The following CFAP36 variants were observed in gnomAD, a reference collection of about 807,000 sequenced individuals.
CFAP36 encodes the protein cilia- and flagella-associated protein 36.
A neutral mutation model predicts 50.5 loss-of-function variants in CFAP36; 37 were observed. The ratio of observed to expected loss-of-function variants is 0.73; its 90% CI spans 0.56 to 0.96. CFAP36 has a LOEUF of 0.96. Among genes scored for constraint, CFAP36 ranks in the 50% least tolerant of loss-of-function variants. CFAP36 has a pLI of 0.00. For missense variants in CFAP36, 407 were observed against 396.2 expected, an observed-to-expected ratio of 1.03 and a Z score of -0.23; for synonymous variants, 138 against 128.2, an observed-to-expected ratio of 1.08 and a Z score of -0.52.
chr2:55,520,036 C>T (rs967233363), intron 1 of CFAP36, 120 bp downstream of exon 1: 1 of 867,824 alleles, frequency 1.2e-6, no homozygotes, highest in African/African-American at 1.7e-5. Context: ...ACCCCTGTCG[C>T]AAGGTCTCGT....
rs777731203 is a variant in CFAP36 at position 55,523,787 on chromosome 2, T to C, written c.247T>C (p.Cys83Arg). The C allele has an allele frequency of 6.2e-7, 1 of 1,610,272 alleles. No individual in the cohort carries two copies. Among genetic ancestry groups the C allele is most frequent in the Non-Finnish European group, 8.5e-7 (1 of 1,177,556 alleles). Reference protein sequence around the residue: ...GINEDQFQEACTSPLAKTHTS... With the variant: ...GINEDQFQEARTSPLAKTHTS... ...TAATGAAGATCAATTTCAAGAAGCA[T>C]GCACTTCTCCTCTTGCAAAGACCCA... Residue 83 changes from cysteine (C) to arginine (R), a missense_variant, in exon 3 of 10, where the codon TGC becomes CGC. By Grantham distance (180) the Cys-to-Arg change is radical. Coordinates refer to ENST00000349456, the MANE Select transcript of CFAP36 (RefSeq NM_080667.7).
Position 55,530,079 on chromosome 2 carries a change from T to G in CFAP36, c.397+1087T>G, listed in dbSNP as rs982396751. Among the ~76,000 whole-genome samples, 3 of 152,164 alleles carry G rather than the reference T, an allele frequency of 2.0e-5. No homozygotes were observed. The East Asian group carries it at 5.8e-4, about 29-fold the overall frequency. On this transcript the variant is annotated intron_variant, in intron 4 of 9. Coordinates refer to ENST00000349456, the MANE Select transcript of CFAP36 (RefSeq NM_080667.7). ...GCTGTGTCCCCACCCAAATCTCATCTTGAATTCCCACGTGTTGTGGGAGGG... is the reference window on the plus strand; with the variant it reads ...GCTGTGTCCCCACCCAAATCTCATCGTGAATTCCCACGTGTTGTGGGAGGG...
chr2:55,524,038 T>C (rs1333206437), intron 3 of CFAP36, among the ~76,000 whole-genome samples: 1 of 152,248 alleles, frequency 6.6e-6, no homozygotes, highest in Non-Finnish European at 1.5e-5. Flanking sequence ...AAGTGACCTT[T>C]CTAAACTCAG....
intron 7 of CFAP36, among the ~76,000 whole-genome samples, chr2:55,542,053 T>G (rs1202268121): frequency 1.3e-5 from 2 of 152,328 alleles, no homozygotes; most frequent in Middle Eastern, 3.4e-3. Context: ...AGAAATAGCC[T>G]CATTTTAATG....
intron 7 of CFAP36, among the ~76,000 whole-genome samples, chr2:55,543,411 C>T (rs1378021949): frequency 6.6e-6 from 1 of 152,100 alleles, no homozygotes; most frequent in Non-Finnish European, 1.5e-5. Context: ...TCATAATGCA[C>T]TGGCAGGTTT....
At chr2:55,521,268 A>G (rs1242713498) in intron 1 of CFAP36, among the ~76,000 whole-genome samples, 1 of 139,494 alleles carries the variant, frequency 7.2e-6, no homozygotes, top group Non-Finnish European at 1.5e-5. Context: ...CAGTGGCGTG[A>G]TCTTGGCTCA....
At chr2:55,544,705 C>T (rs1373086484) in intron 9 of CFAP36, among the ~76,000 whole-genome samples, 2 of 152,132 alleles carry the variant, frequency 1.3e-5, no homozygotes, top group Admixed American at 6.6e-5. Context: ...TATCATAGAG[C>T]ACATCAGCCA....
intron 4 of CFAP36, among the ~76,000 whole-genome samples, chr2:55,529,279 G>T (rs1325620801): frequency 6.6e-6 from 1 of 151,996 alleles, no homozygotes; most frequent in Non-Finnish European, 1.5e-5. Context: ...AAAATTAGCT[G>T]GGCGTGGTGG....
intron 7 of CFAP36, among the ~76,000 whole-genome samples, chr2:55,537,855 G>A (rs1379349937): frequency 6.6e-6 from 1 of 152,210 alleles, no homozygotes; most frequent in Non-Finnish European, 1.5e-5. Flanking sequence ...TAGCCTTTGT[G>A]CATGACTGCA....
At chr2:55,543,075 T>TC (rs906737153) in intron 7 of CFAP36, among the ~76,000 whole-genome samples, 1 of 151,726 alleles carries the variant, frequency 6.6e-6, no homozygotes, top group Non-Finnish European at 1.5e-5. Flanking sequence ...TTTTTTTTTT[T>TC]TAACTGGCAG....
chr2:55,522,029 G>A, intron 1 of CFAP36, 73 bp from the exon 2 acceptor site: 2 of 723,736 alleles, frequency 2.8e-6, no homozygotes, highest in Middle Eastern at 2.4e-4. Flanking sequence ...TATTTGGAAG[G>A]AGTGGATTTT....
In CFAP36 at chr2:55,533,918, A is replaced by C. The variant is rs1245000059; in HGVS notation, c.443A>C (p.Asp148Ala). The C allele has an allele frequency of 6.2e-7, 1 of 1,611,570 alleles. No homozygotes were observed. The highest frequency in any genetic ancestry group is 8.5e-7 in the Non-Finnish European group (1 of 1,178,570). ...ACCGATGGCTCTGATGTGGTCAGTG[A>C]CCTTGAACACGAAGAGATGAAAATC... ...CLTDGSDVVSDLEHEEMKILR... is the reference protein window; with the variant it reads ...CLTDGSDVVSALEHEEMKILR... Residue 148 changes from aspartate to alanine, a missense_variant, in exon 5 of 10, where the codon GAC becomes GCC. Physicochemically the swap from Asp to Ala is moderately radical, Grantham distance 126. Transcript: ENST00000349456.
At chr2:55,521,881 T>C (rs1684077026) in intron 1 of CFAP36, among the ~76,000 whole-genome samples, 1 of 152,080 alleles carries the variant, frequency 6.6e-6, no homozygotes, top group Non-Finnish European at 1.5e-5. Flanking sequence ...CCACCCACCT[T>C]GGCCTCCGAA....
intron 3 of CFAP36, among the ~76,000 whole-genome samples, chr2:55,528,225 AAAGT>A (rs953630303): frequency 1.4e-4 from 21 of 149,858 alleles, no homozygotes; most frequent in African/African-American, 4.5e-4. Flanking sequence ...GAATAATCAT[AAAGT>A]ATTATATTTT....
chr2:55,523,313 G>T (rs1184527274), intron 2 of CFAP36, among the ~76,000 whole-genome samples: 5 of 151,748 alleles, frequency 3.3e-5, no homozygotes, highest in African/African-American at 1.2e-4. Context: ...TACTCAGGAA[G>T]CTGAGGCAGG....
intron 4 of CFAP36, among the ~76,000 whole-genome samples, chr2:55,533,297 T>A (rs1684398797): frequency 6.6e-6 from 1 of 152,224 alleles, no homozygotes; most frequent in Admixed American, 6.5e-5. Flanking sequence ...TTTGTTGCCA[T>A]ACATTGTTAT....
intron 9 of CFAP36, among the ~76,000 whole-genome samples, chr2:55,544,615 CTGAG>C (rs1684724946): frequency 6.6e-6 from 1 of 152,140 alleles, no homozygotes; most frequent in African/African-American, 2.4e-5. Flanking sequence ...TTGCCCTTCT[CTGAG>C]TATGTCAGGG....
At chr2:55,524,422 A>ATTTTTTTT (rs57908457) in intron 3 of CFAP36, among the ~76,000 whole-genome samples, 2 of 99,366 alleles carry the variant, frequency 2.0e-5, no homozygotes, top group African/African-American at 4.6e-5. Flanking sequence ...CACATGGCTA[A>ATTTTTTTT]TTTTTTTTTT....
chr2:55,526,964 G>A (rs776081097), intron 3 of CFAP36, among the ~76,000 whole-genome samples: 5 of 152,024 alleles, frequency 3.3e-5, no homozygotes, highest in Non-Finnish European at 7.4e-5. Context: ...AGAATTTGAG[G>A]CTGCAGTGAG....
Sources: gnomAD v4.1 joint callset for allele counts (sites outside exome capture counted in the v4.1 genomes callset) on GRCh38, gnomAD v4.1.1 for gene constraint, MANE v1.5 for transcripts, NCBI Gene and HGNC (gene_info 2026-07-23, HGNC 2026-07-21) for gene names.